GRIN2B: variants seen among roughly 807,000 people sequenced by gnomAD.
GRIN2B encodes the protein glutamate ionotropic receptor NMDA type subunit 2B.
In GRIN2B, 5 loss-of-function variants were observed where a neutral mutation model predicts 114.5. The ratio of observed to expected loss-of-function variants is 0.04; its 90% CI spans 0.02 to 0.09. The LOEUF (loss-of-function observed/expected upper bound fraction) is 0.09. GRIN2B is among the 10% of genes least tolerant of loss of function. The pLI, the probability that GRIN2B is intolerant of heterozygous loss-of-function variation, is 1.00. For synonymous variants in GRIN2B, 787 were observed against 745.1 expected (o/e 1.06, Z -0.92); for missense variants, 1,108 against 1,943.5 (o/e 0.57, Z 8.08).
At chr12:13,635,930 G>A (rs141311993) in intron 5 of GRIN2B, among the ~76,000 whole-genome samples, 386 of 152,258 alleles carry the variant, frequency 2.5e-3, no homozygotes, top group Non-Finnish European at 4.7e-3. Flanking sequence ...AGGTGCTGAG[G>A]ACAGTGATGA....
At chr12:13,731,587 T>A (rs1043244652) in intron 4 of GRIN2B, among the ~76,000 whole-genome samples, 1 of 151,856 alleles carries the variant, frequency 6.6e-6, no homozygotes, top group Non-Finnish European at 1.5e-5. Context: ...GGTGACAGAG[T>A]GAGACTCCAT....
At chr12:13,970,804 A>G (rs976254596) in intron 2 of GRIN2B, among the ~76,000 whole-genome samples, 8 of 151,976 alleles carry the variant, frequency 5.3e-5, no homozygotes, top group Non-Finnish European at 1.0e-4. Flanking sequence ...GAGCACCTGT[A>G]TTTGGCCAGG....
Position 13,842,827 on chromosome 12 carries a change from A to G in GRIN2B, c.411+22971T>C, listed in dbSNP as rs149266194. Among the ~76,000 whole-genome samples the G allele has an allele frequency of 1.4e-3, 212 of 151,910 alleles. 4 individuals carry two copies. In the East Asian group the frequency reaches 0.035, roughly 25 times the overall value. On this transcript the variant is annotated intron_variant, in intron 3 of 13. Transcript: ENST00000609686. ...GAGATAATTCATATAAAGCTCTTAC[A>G]CATAGCAAGGGCTCCATACATAATA...
intron 4 of GRIN2B, among the ~76,000 whole-genome samples, chr12:13,752,157 G>GT (rs1455629635): frequency 6.6e-6 from 1 of 152,106 alleles, no homozygotes; most frequent in Non-Finnish European, 1.5e-5. Flanking sequence ...TCCACTATAT[G>GT]TTTTTTAACA....
At chr12:13,805,578 T>C (rs980570084) in intron 3 of GRIN2B, among the ~76,000 whole-genome samples, 3 of 152,160 alleles carry the variant, frequency 2.0e-5, no homozygotes, top group East Asian at 1.9e-4. Flanking sequence ...TCAACAAATA[T>C]TGAATTCAAA....
At chr12:13,734,898 A>T (rs1357933243) in intron 4 of GRIN2B, among the ~76,000 whole-genome samples, 1 of 152,220 alleles carries the variant, frequency 6.6e-6, no homozygotes, top group Admixed American at 6.5e-5. Flanking sequence ...ATGCAAATGC[A>T]TGAAGGGGTA....
intron 2 of GRIN2B, among the ~76,000 whole-genome samples, chr12:13,868,991 A>G (rs926685687): frequency 1.6e-4 from 24 of 152,314 alleles, no homozygotes; most frequent in African/African-American, 5.8e-4. Flanking sequence ...CCTCACAGAG[A>G]CCATAAGTCT....
intron 4 of GRIN2B, among the ~76,000 whole-genome samples, chr12:13,714,552 C>T (rs1303631867): frequency 6.6e-6 from 1 of 151,826 alleles, no homozygotes; most frequent in African/African-American, 2.4e-5. Flanking sequence ...CAGAGTCTTG[C>T]TGAGTCCTAA....
chr12:13,880,641 T>G (rs1382976869), intron 2 of GRIN2B, among the ~76,000 whole-genome samples: 1 of 152,214 alleles, frequency 6.6e-6, no homozygotes, highest in Non-Finnish European at 1.5e-5. Flanking sequence ...GACCCCAGTT[T>G]ATAATGATTA....
intron 3 of GRIN2B, among the ~76,000 whole-genome samples, chr12:13,787,945 T>C (rs1284279805): frequency 6.6e-6 from 1 of 152,170 alleles, no homozygotes; most frequent in Admixed American, 6.5e-5. Flanking sequence ...AAATACCAAC[T>C]TATCTCAAAT....
At chr12:13,594,752 C>A (rs947078719) in intron 10 of GRIN2B, among the ~76,000 whole-genome samples, 2 of 151,394 alleles carry the variant, frequency 1.3e-5, no homozygotes, top group Admixed American at 1.3e-4. Flanking sequence ...CTTGTCTAGG[C>A]CATCTGTAAC....
intron 3 of GRIN2B, among the ~76,000 whole-genome samples, chr12:13,828,090 G>A (rs1371091122): frequency 6.6e-6 from 1 of 152,198 alleles, no homozygotes; most frequent in Non-Finnish European, 1.5e-5. Flanking sequence ...TACTGTGTAT[G>A]TGTGTATGTG....
intron 4 of GRIN2B, among the ~76,000 whole-genome samples, chr12:13,692,762 T>TTC (rs1184068907): frequency 1.1e-4 from 6 of 53,980 alleles, no homozygotes; most frequent in South Asian, 9.6e-4. Context: ...TTTCTTTTCT[T>TTC]TTTTTTTTTT....
chr12:13,718,715 A>G (rs1391964709), intron 4 of GRIN2B, among the ~76,000 whole-genome samples: 4 of 152,044 alleles, frequency 2.6e-5, no homozygotes. Flanking sequence ...AAACTCTGTC[A>G]CCTAAGGTTG....
At chr12:13,626,914 C>A (rs1591648813) in intron 5 of GRIN2B, among the ~76,000 whole-genome samples, 1 of 148,980 alleles carries the variant, frequency 6.7e-6, no homozygotes, top group African/African-American at 2.5e-5. Context: ...GTGGAGGTTG[C>A]CATTTTATTC....
intron 8 of GRIN2B, among the ~76,000 whole-genome samples, chr12:13,612,904 T>C (rs1949383372): frequency 6.6e-6 from 1 of 152,250 alleles, no homozygotes; most frequent in Admixed American, 6.5e-5. Context: ...GTTTTCTCCA[T>C]CTTCCAAATC....
chr12:13,767,027 C>T (rs547336423), intron 3 of GRIN2B, among the ~76,000 whole-genome samples: 1 of 152,044 alleles, frequency 6.6e-6, no homozygotes, highest in Non-Finnish European at 1.5e-5. Flanking sequence ...GAGGCCGAGG[C>T]GGGTGGATCA....
chr12:13,887,485 A>C (rs1232844524), intron 2 of GRIN2B, among the ~76,000 whole-genome samples: 1 of 152,240 alleles, frequency 6.6e-6, no homozygotes, highest in African/African-American at 2.4e-5. Flanking sequence ...TGGGATTACA[A>C]GGCACAGAAT....
chr12:13,632,181 A>G (rs1949620639), intron 5 of GRIN2B, among the ~76,000 whole-genome samples: 1 of 152,254 alleles, frequency 6.6e-6, no homozygotes, highest in African/African-American at 2.4e-5. Flanking sequence ...TTTACAAAAG[A>G]GAATGAAATG....
Sources: gnomAD v4.1 joint callset for allele counts (sites outside exome capture counted in the v4.1 genomes callset) on GRCh38, gnomAD v4.1.1 for gene constraint, MANE v1.5 for transcripts, NCBI Gene and HGNC (gene_info 2026-07-23, HGNC 2026-07-21) for gene names.